ADAMTSL1: variants seen among roughly 807,000 people sequenced by gnomAD.
The protein encoded by ADAMTSL1 is ADAMTS like 1.
In ADAMTSL1, 126 loss-of-function variants were observed where a neutral mutation model predicts 201.8. The ratio of observed to expected loss-of-function variants is 0.62; its 90% confidence interval spans 0.54 to 0.72. ADAMTSL1 has a LOEUF of 0.72. Ranked by LOEUF, ADAMTSL1 falls within the 30% of genes least tolerant of loss-of-function variation. The pLI, the probability that ADAMTSL1 is intolerant of heterozygous loss-of-function variation, is 0.00. For synonymous variants in ADAMTSL1, 1,121 were observed against 903.4 expected (o/e 1.24, Z -4.32); for missense variants, 2,679 against 2,277.8 (o/e 1.18, Z -3.59).
chr9:18,689,521 A>T lies in ADAMTSL1; in HGVS notation c.1574+4721A>T, dbSNP rs187067274. ...ATTTGCTAAGGGACTCATATTTTTT[A>T]AAAAAAAGGAAAAAGAAAAAAGAAA... is the stretch of plus-strand genomic sequence containing the variant. On this transcript the variant is annotated intron_variant, in intron 13 of 28. Coordinates refer to ENST00000380548, the MANE Select transcript of ADAMTSL1 (RefSeq NM_001040272.6). Among the ~76,000 whole-genome samples the T allele has an allele frequency of 5.7e-3, 859 of 151,952 alleles. 11 individuals carry two copies. The highest frequency in any genetic ancestry group is 0.019 in the African/African-American group (794 of 41,458).
intron 2 of ADAMTSL1, among the ~76,000 whole-genome samples, chr9:18,532,785 T>A (rs908155878): frequency 6.6e-6 from 1 of 151,554 alleles, no homozygotes; most frequent in African/African-American, 2.4e-5. Flanking sequence ...ATAAAAATAA[T>A]TTTTTAAGAA....
chr9:18,059,814 A>AG lies in ADAMTSL1; in HGVS notation c.88-104048_88-104047insG, dbSNP rs1242738175. Among the ~76,000 whole-genome samples the AG allele has an allele frequency of 2.0e-5, 3 of 152,272 alleles. No homozygotes were observed. The East Asian group carries it at 5.8e-4, about 29-fold the overall frequency. On this transcript the variant is annotated intron_variant, in intron 1 of 29. Transcript: ENST00000680146. ...CATGGCAATTTAGAACTAAATAAGA[A>AG]TGAATTTGGCTTTTTTTTAAGGCTG...
chr9:18,501,348 GAA>G (rs1424116490), intron 1 of ADAMTSL1, among the ~76,000 whole-genome samples: 1 of 151,710 alleles, frequency 6.6e-6, no homozygotes, highest in Non-Finnish European at 1.5e-5. Context: ...TCGTCTCTAT[GAA>G]AAATACAAAA....
chr9:18,618,527 T>TA (rs1491195706), intron 4 of ADAMTSL1, among the ~76,000 whole-genome samples: 12 of 106,142 alleles, frequency 1.1e-4, no homozygotes, highest in African/African-American at 4.3e-4. Flanking sequence ...TGGGTATACA[T>TA]GAAAAAAAAA....
At chr9:18,746,634 G>A (rs529828874) in intron 15 of ADAMTSL1, among the ~76,000 whole-genome samples, 1 of 152,252 alleles carries the variant, frequency 6.6e-6, no homozygotes, top group South Asian at 2.1e-4. Context: ...AGGGTGGGAA[G>A]GGTCTGCCAT....
At chr9:18,272,436 C>T (rs1294678757) in intron 2 of ADAMTSL1, among the ~76,000 whole-genome samples, 2 of 152,160 alleles carry the variant, frequency 1.3e-5, no homozygotes, top group East Asian at 1.9e-4. Flanking sequence ...TCCTTCCTTA[C>T]ACCTTATACA....
rs575358544 is a variant in ADAMTSL1 at position 18,588,958 on chromosome 9, G to T, written c.474+14692G>T. ...AGAGTCTCACTCTGTCACCCAGGCT[G>T]TAGTGTAGTGGTGCAATCTTGGATC... On this transcript the variant is annotated intron_variant, in intron 4 of 28. Transcript: ENST00000380548. 6.1e-5 allele frequency among the ~76,000 whole-genome samples: 8 copies of T among 130,718 alleles called. No individual in the cohort carries two copies. The South Asian group carries it at 1.6e-3, about 26-fold the overall frequency. 85.8% of individuals were successfully genotyped at this position (130,718 alleles called of 152,430 possible).
chr9:18,646,066 G>C (rs1827791316), intron 7 of ADAMTSL1, among the ~76,000 whole-genome samples: 1 of 151,776 alleles, frequency 6.6e-6, no homozygotes, highest in Non-Finnish European at 1.5e-5. Context: ...TTATTTCCTT[G>C]AGCAGTGGTT....
intron 1 of ADAMTSL1, among the ~76,000 whole-genome samples, chr9:18,148,894 T>C (rs965100131): frequency 6.6e-6 from 1 of 152,156 alleles, no homozygotes; most frequent in Non-Finnish European, 1.5e-5. Context: ...ATGTAATACA[T>C]GTTTACACTT....
intron 1 of ADAMTSL1, among the ~76,000 whole-genome samples, chr9:17,931,275 T>G (rs1826773236): frequency 6.6e-6 from 1 of 152,184 alleles, no homozygotes; most frequent in African/African-American, 2.4e-5. Flanking sequence ...GCTGCTTTTG[T>G]GCACAGTTTG....
intron 2 of ADAMTSL1, among the ~76,000 whole-genome samples, chr9:18,174,608 G>T (rs1236295808): frequency 6.6e-6 from 1 of 152,108 alleles, no homozygotes; most frequent in Non-Finnish European, 1.5e-5. Flanking sequence ...GGATACACAT[G>T]ACTTTTTTTT....
intron 13 of ADAMTSL1, among the ~76,000 whole-genome samples, chr9:18,696,634 C>A (rs556686275): frequency 1.3e-3 from 202 of 152,144 alleles, no homozygotes; most frequent in Non-Finnish European, 2.5e-3. Flanking sequence ...TCAAGGTATG[C>A]GTGGCAGCCC....
chr9:18,819,555 C>T (rs1445920312), intron 21 of ADAMTSL1, among the ~76,000 whole-genome samples: 4 of 151,834 alleles, frequency 2.6e-5, no homozygotes, highest in Admixed American at 1.3e-4. Flanking sequence ...GAAGTATTTA[C>T]GTTGGGGAGC....
At position 18,374,335 on chromosome 9, in the gene ADAMTSL1, A is replaced by T. The variant is rs1032270118; in HGVS notation, c.208-130494A>T. On this transcript the variant is annotated intron_variant, in intron 2 of 29. Coordinates refer to the ADAMTSL1 transcript ENST00000680146. ...ATTTATATTTATTTAATTTTTTTTAATTTTTTTTTTATTTTTTGGGATGGG... is the reference window on the plus strand; with the variant it reads ...ATTTATATTTATTTAATTTTTTTTATTTTTTTTTTTATTTTTTGGGATGGG... 1.1e-4 allele frequency among the ~76,000 whole-genome samples: 16 copies of T among 149,060 alleles called. No individual in the cohort carries two copies. In the Admixed American group the frequency reaches 1.1e-3, roughly 10 times the overall value.
intron 1 of ADAMTSL1, among the ~76,000 whole-genome samples, chr9:18,023,766 T>C (rs11792843): frequency 0.041 from 6,312 of 152,242 alleles, 376 homozygotes; most frequent in East Asian, 0.33. Context: ...GCTGCCCTTA[T>C]GTTTCTTGAA....
intron 2 of ADAMTSL1, among the ~76,000 whole-genome samples, chr9:18,295,541 T>G (rs1380343088): frequency 2.0e-5 from 3 of 152,118 alleles, no homozygotes; most frequent in African/African-American, 4.8e-5. Flanking sequence ...AGTTTCACCA[T>G]TTTGGCCAGG....
chr9:18,881,961 G>C (rs1171620466), intron 23 of ADAMTSL1, among the ~76,000 whole-genome samples: 1 of 152,198 alleles, frequency 6.6e-6, no homozygotes, highest in East Asian at 1.9e-4. Flanking sequence ...GATGGGCCAA[G>C]AGAGGTTTCC....
At chr9:18,346,608 T>C (rs577555884) in intron 2 of ADAMTSL1, among the ~76,000 whole-genome samples, 1 of 152,268 alleles carries the variant, frequency 6.6e-6, no homozygotes, top group African/African-American at 2.4e-5. Flanking sequence ...CCCAGGAGTA[T>C]AGAAAGTCCT....
At chr9:18,691,043 A>G (rs976200372) in intron 13 of ADAMTSL1, among the ~76,000 whole-genome samples, 4 of 152,218 alleles carry the variant, frequency 2.6e-5, no homozygotes, top group Admixed American at 1.3e-4. Flanking sequence ...GATTGTGACC[A>G]AAGTGTTGAG....
Sources: gnomAD v4.1 joint callset for allele counts (sites outside exome capture counted in the v4.1 genomes callset) on GRCh38, gnomAD v4.1.1 for gene constraint, MANE v1.5 for transcripts, NCBI Gene and HGNC (gene_info 2026-07-23, HGNC 2026-07-21) for gene names.